CYSLTR1: variants seen among roughly 807,000 people sequenced by gnomAD.
The protein encoded by CYSLTR1 is G-protein coupled receptor HG55.
In CYSLTR1, 1 loss-of-function variant was observed where a neutral mutation model predicts 2.1. The ratio of observed to expected loss-of-function variants is 0.48; its 90% confidence interval spans 0.17 to 2.28. The LOEUF (loss-of-function observed/expected upper bound fraction) is 2.28. Among genes scored for constraint, CYSLTR1 ranks in the 30% most tolerant of loss-of-function variants. The pLI, the probability that CYSLTR1 is intolerant of heterozygous loss-of-function variation, is 0.26. For synonymous variants in CYSLTR1, 110 were observed against 89.6 expected (o/e 1.23, Z -1.28); for missense variants, 299 against 250.1 (o/e 1.20, Z -1.32).
At chrX:78,291,904 CAA>C (rs200841422) in intron 1 of CYSLTR1, among the ~76,000 whole-genome samples, 165 of 101,442 alleles carry the variant, frequency 1.6e-3, no homozygotes, top group Admixed American at 2.8e-3. Flanking sequence ...TTGATCTTTT[CAA>C]AAAAAAAAAC....
chrX:78,286,702 C>A (rs1382665451), intron 1 of CYSLTR1, among the ~76,000 whole-genome samples: 2 of 100,165 alleles, frequency 2.0e-5, no homozygotes, highest in Non-Finnish European at 4.0e-5. Flanking sequence ...CATATGTTCT[C>A]ATTGTTCAAT....
intron 2 of CYSLTR1, among the ~76,000 whole-genome samples, chrX:78,276,206 C>T (rs775864428): frequency 1.8e-5 from 2 of 111,871 alleles, no homozygotes; most frequent in Non-Finnish European, 3.8e-5. Context: ...TCACTGAGGG[C>T]AGTCAATAAG....
rs142189281 is a variant in CYSLTR1 at position 78,276,690 on chromosome X, G to A, written c.-27-2917C>T. On this transcript the variant is annotated intron_variant, in intron 2 of 2. Transcript: ENST00000373304. ...AACTTTTGGCATAAGATAAAAATTGGATAGATTATCTGAGCCAAGATGGCC... is the reference window on the plus strand; with the variant it reads ...AACTTTTGGCATAAGATAAAAATTGAATAGATTATCTGAGCCAAGATGGCC... Among the ~76,000 whole-genome samples, 188 of 110,474 alleles carry A rather than the reference G, an allele frequency of 1.7e-3. 1 individual carries two copies. Among genetic ancestry groups the A allele is most frequent in the African/African-American group, 5.5e-3 (167 of 30,434 alleles).
intron 1 of CYSLTR1, among the ~76,000 whole-genome samples, chrX:78,308,586 TAA>T (rs898014471): frequency 1.8e-5 from 2 of 112,105 alleles, no homozygotes; most frequent in African/African-American, 6.5e-5. Flanking sequence ...GCTGGAATTG[TAA>T]AGAGCCCACC....
At chrX:78,315,453 G>A (rs140024190) in intron 1 of CYSLTR1, among the ~76,000 whole-genome samples, 3,001 of 111,149 alleles carry the variant, frequency 0.027, 60 homozygotes, top group Non-Finnish European at 0.044. Flanking sequence ...AAATGACCTC[G>A]CAGGGTCCTC....
chrX:78,306,695 G>C (rs977956851), intron 1 of CYSLTR1, among the ~76,000 whole-genome samples: 2 of 111,691 alleles, frequency 1.8e-5, no homozygotes, highest in Non-Finnish European at 3.8e-5. Context: ...TTAGCTGTGT[G>C]ACCTTGGGCA....
intron 1 of CYSLTR1, among the ~76,000 whole-genome samples, chrX:78,317,869 G>T (rs7060892): frequency 9.0e-6 from 1 of 111,666 alleles, no homozygotes; most frequent in Admixed American, 9.5e-5. Context: ...TACACATTGC[G>T]TACAGTGTAC....
intron 1 of CYSLTR1, among the ~76,000 whole-genome samples, chrX:78,289,627 G>A (rs752309655): frequency 1.8e-5 from 2 of 111,791 alleles, no homozygotes; most frequent in East Asian, 2.8e-4. Context: ...AGCATCTGTT[G>A]TTTCCTGATT....
chrX:78,275,862 G>C (rs925200236), intron 2 of CYSLTR1, among the ~76,000 whole-genome samples: 1 of 111,890 alleles, frequency 8.9e-6, no homozygotes. Flanking sequence ...CCCTGGGGGA[G>C]AGTATTAATC....
At chrX:78,291,973 G>T (rs1285836401) in intron 1 of CYSLTR1, among the ~76,000 whole-genome samples, 1 of 109,241 alleles carries the variant, frequency 9.2e-6, no homozygotes, top group Non-Finnish European at 1.9e-5. Flanking sequence ...ATCTCCTTTA[G>T]TTCTGCTCTG....
At chrX:78,320,105 T>G (rs1923581983) in intron 1 of CYSLTR1, 1 of 112,234 alleles carries the variant, frequency 8.9e-6, no homozygotes, top group Admixed American at 9.4e-5. Flanking sequence ...CAGAAGCTCT[T>G]TAGTTTAATT....
At chrX:78,307,299 G>A (rs377049182) in intron 1 of CYSLTR1, among the ~76,000 whole-genome samples, 41 of 111,720 alleles carry the variant, frequency 3.7e-4, no homozygotes, top group African/African-American at 1.3e-3. Flanking sequence ...TTCTTTCCTT[G>A]CAGTTGTGTG....
In CYSLTR1 at chrX:78,314,444, T is replaced by G. The variant is rs1001036131; in HGVS notation, c.-115+12861A>C. ...AACAACTAGCTACAAAAAAATCACCTTCACAAGAACCAAAAATTAGGTGAG... is the reference window on the plus strand; with the variant it reads ...AACAACTAGCTACAAAAAAATCACCGTCACAAGAACCAAAAATTAGGTGAG... On this transcript the variant is annotated intron_variant, in intron 1 of 2. Coordinates refer to ENST00000373304, the MANE Select transcript of CYSLTR1 (RefSeq NM_006639.4). Among the ~76,000 whole-genome samples, 7 of 111,657 alleles carry G rather than the reference T, an allele frequency of 6.3e-5. No homozygotes were observed. In the Admixed American group the frequency reaches 6.6e-4, roughly 11 times the overall value.
At chrX:78,277,015 C>T (rs759246399) in intron 2 of CYSLTR1, among the ~76,000 whole-genome samples, 2 of 111,226 alleles carry the variant, frequency 1.8e-5, no homozygotes, top group African/African-American at 3.3e-5. Context: ...ATGATCTCCA[C>T]GGACATTTGA....
intron 1 of CYSLTR1, among the ~76,000 whole-genome samples, chrX:78,317,049 C>A (rs987572503): frequency 2.7e-5 from 3 of 112,160 alleles, no homozygotes; most frequent in African/African-American, 9.7e-5. Flanking sequence ...AAACAGACAA[C>A]CCACAGAATG....
Position 78,271,720 on chromosome X carries a change from C to T in CYSLTR1, c.*1013G>A, listed in dbSNP as rs1217658979. The T allele has an allele frequency of 8.9e-6, 1 of 111,823 alleles. No individual in the cohort carries two copies. Among genetic ancestry groups the T allele is most frequent in the Non-Finnish European group, 1.9e-5 (1 of 53,158 alleles). 9.2% of individuals were successfully genotyped at this position (111,823 alleles called of 1,213,427 possible). A position where few individuals can be genotyped will look rare whatever the true frequency, so the allele number is the denominator to read the frequency against. The stretch of plus-strand genomic sequence containing the variant: ...TAATAAAACTTATCGTGAACTTTCA[C>T]CCATAATGCATATCATACAGCAAAA... On this transcript the variant is annotated 3_prime_UTR_variant, in exon 3 of 3. Transcript: ENST00000373304.
intron 1 of CYSLTR1, among the ~76,000 whole-genome samples, chrX:78,287,403 A>G (rs1922118587): frequency 8.9e-6 from 1 of 111,746 alleles, no homozygotes; most frequent in Non-Finnish European, 1.9e-5. Flanking sequence ...CTGAATCCAC[A>G]CGTGGGAGCA....
intron 1 of CYSLTR1, among the ~76,000 whole-genome samples, chrX:78,294,330 C>T (rs1230070576): frequency 8.9e-6 from 1 of 112,426 alleles, no homozygotes; most frequent in Non-Finnish European, 1.9e-5. Context: ...AATATTGCTG[C>T]CTGATCCTTC....
chrX:78,305,469 G>T (rs900531052), intron 1 of CYSLTR1, among the ~76,000 whole-genome samples: 1 of 111,076 alleles, frequency 9.0e-6, no homozygotes, highest in Admixed American at 9.6e-5. Context: ...AGGGTTGTTG[G>T]AGACATCAGA....
Sources: allele counts gnomAD v4.1 joint callset (sites outside exome capture counted in the v4.1 genomes callset), GRCh38; gene constraint gnomAD v4.1.1; transcripts MANE v1.5; gene names NCBI Gene and HGNC (gene_info 2026-07-23, HGNC 2026-07-21).